The following GINS1 variants were observed in gnomAD, a reference collection of about 807,000 sequenced individuals.
GINS1 encodes the protein DNA replication complex GINS protein PSF1.
A neutral mutation model predicts 34.9 loss-of-function variants in GINS1; 26 were observed. The ratio of observed to expected loss-of-function variants is 0.74; its 90% CI spans 0.55 to 1.03. GINS1 has a LOEUF of 1.03. Among genes scored for constraint, GINS1 ranks in the 50% least tolerant of loss-of-function variants. GINS1 has a pLI of 0.00. For synonymous variants in GINS1, 97 were observed against 84.4 expected (o/e 1.15, Z -0.82); for missense variants, 235 against 237.9 (o/e 0.99, Z 0.08).
chr20:25,417,250 T>C (rs771064387), intron 3 of GINS1, 48 bp downstream of exon 3: 3 of 866,618 alleles, frequency 3.5e-6, no homozygotes, highest in Non-Finnish European at 5.9e-6. Flanking sequence ...TCTGTGTGGC[T>C]TCCCAGTTGA....
intron 4 of GINS1, among the ~76,000 whole-genome samples, chr20:25,423,452 CTTTTTTTTTTTTTTTTTTT>C (rs1159340467): frequency 1.3e-4 from 4 of 29,992 alleles, no homozygotes; most frequent in African/African-American, 2.4e-4. Context: ...TTTTTCTTTT[CTTTTTTTTTTTTTTTTTTT>C]TTTTTTTTTT....
At chr20:25,445,843 T>G in intron 6 of GINS1, 80 bp from the exon 7 acceptor site, 1 of 929,386 alleles carries the variant, frequency 1.1e-6, no homozygotes, top group Non-Finnish European at 1.7e-6. Context: ...AGTGCTACTT[T>G]TTAATGATAC....
chr20:25,446,042 ACT>A lies in GINS1; in HGVS notation c.*53_*54del. 2.0e-6 allele frequency: 2 copies of A among 979,300 alleles called. No individual in the cohort carries two copies. The highest frequency in any genetic ancestry group is 2.6e-5 in the East Asian group (1 of 38,126). The allele number at this position is 979,300 out of a possible 1,614,324, so 60.7% of individuals were successfully genotyped here. On this transcript the variant is annotated 3_prime_UTR_variant, in exon 7 of 7. Coordinates refer to ENST00000262460, the MANE Select transcript of GINS1 (RefSeq NM_021067.5). ...TCACTCAACTCATGGACTCCTCTGT[ACT>A]CACTCTCTCCACCACTCCCTTCACC... is the stretch of plus-strand genomic sequence containing the variant.
chr20:25,419,968 G>A (rs1368705411), intron 4 of GINS1, among the ~76,000 whole-genome samples: 1 of 150,760 alleles, frequency 6.6e-6, no homozygotes, highest in Non-Finnish European at 1.5e-5. Flanking sequence ...CGATTAATAT[G>A]TTTCTTACAA....
Position 25,422,586 on chromosome 20 carries a change from C to G in GINS1, c.331-2625C>G, listed in dbSNP as rs190850445. ...AGCCTGGGTGACAGTGAGACCCTGT[C>G]TTAAAACAGCAACAAAAAAACTTGC... On this transcript the variant is annotated intron_variant, in intron 4 of 6. Transcript: ENST00000262460. 2.8e-4 allele frequency among the ~76,000 whole-genome samples: 42 copies of G among 152,136 alleles called. 2 individuals are homozygous for G. Among genetic ancestry groups the G allele is most frequent in the East Asian group, 1.4e-3 (7 of 5,168 alleles).
At chr20:25,435,235 G>C (rs1452606537) in intron 5 of GINS1, among the ~76,000 whole-genome samples, 4 of 152,262 alleles carry the variant, frequency 2.6e-5, no homozygotes, top group African/African-American at 4.8e-5. Flanking sequence ...TTTGTAATAA[G>C]AAATTTGGTG....
intron 4 of GINS1, among the ~76,000 whole-genome samples, chr20:25,423,640 G>C (rs1336124405): frequency 7.9e-6 from 1 of 126,000 alleles, no homozygotes; most frequent in Non-Finnish European, 1.6e-5. Context: ...CCGAGACGGA[G>C]TCTCTCTGTT....
At chr20:25,423,124 G>C (rs1283192056) in intron 4 of GINS1, among the ~76,000 whole-genome samples, 1 of 140,448 alleles carries the variant, frequency 7.1e-6, no homozygotes, top group Admixed American at 7.1e-5. Context: ...TTTTTTTTTT[G>C]TTTTTTTTGA....
intron 5 of GINS1, among the ~76,000 whole-genome samples, chr20:25,438,512 CTTTTTTTTT>C (rs35305107): frequency 7.4e-5 from 5 of 67,988 alleles, no homozygotes; most frequent in Admixed American, 1.7e-4. Flanking sequence ...AAGAACAACA[CTTTTTTTTT>C]TTTTTTTTTT....
At position 25,441,649 on chromosome 20, in the gene GINS1, C is replaced by A; in HGVS notation, c.448-53C>A. 5 of 839,100 alleles carry A rather than the reference C, an allele frequency of 6.0e-6. No individual in the cohort carries two copies. The South Asian group carries it at 7.5e-5, about 13-fold the overall frequency. The allele number at this position is 839,100 out of a possible 1,614,324, so 52.0% of individuals were successfully genotyped here. A position where few individuals can be genotyped will look rare whatever the true frequency, so the allele number is the denominator to read the frequency against. ...GTATAATGCTGATTTATTTTTTGGTCACTGCATATTAAAAACTAATTTAGA... is the reference window on the plus strand; with the variant it reads ...GTATAATGCTGATTTATTTTTTGGTAACTGCATATTAAAAACTAATTTAGA... On this transcript the variant is annotated intron_variant, in intron 5 of 6. Transcript: ENST00000262460.
At chr20:25,442,340 CTG>C (rs2090486466) in intron 6 of GINS1, among the ~76,000 whole-genome samples, 2 of 56,962 alleles carry the variant, frequency 3.5e-5, no homozygotes, top group South Asian at 1.4e-3. Context: ...ATCTATCTAT[CTG>C]TCTGTCTGTC....
rs562818495 is a variant in GINS1 at position 25,419,029 on chromosome 20, A to G, written c.330+834A>G. Among the ~76,000 whole-genome samples, 6 of 152,348 alleles carry G rather than the reference A, an allele frequency of 3.9e-5. No individual in the cohort carries two copies. In the East Asian group the frequency reaches 7.7e-4, roughly 20 times the overall value. On this transcript the variant is annotated intron_variant, in intron 4 of 6. Coordinates refer to ENST00000262460, the MANE Select transcript of GINS1 (RefSeq NM_021067.5). Reference sequence around the variant, plus strand: ...GTAGCACATACTCTCAGGGCACATCATAAATAACAAGACACTCCTATTACT... The same window carrying G: ...GTAGCACATACTCTCAGGGCACATCGTAAATAACAAGACACTCCTATTACT...
At chr20:25,434,094 G>C (rs1271700968) in intron 5 of GINS1, among the ~76,000 whole-genome samples, 1 of 151,620 alleles carries the variant, frequency 6.6e-6, no homozygotes, top group East Asian at 2.0e-4. Flanking sequence ...GACCAGCCTG[G>C]GCAACATGGC....
In GINS1 at chr20:25,448,286, G is replaced by A. The variant is rs1293094657; in HGVS notation, c.*2295G>A. The A allele has an allele frequency of 6.6e-6, 1 of 152,182 alleles. No homozygotes were observed. The highest frequency in any genetic ancestry group is 6.5e-5 in the Admixed American group (1 of 15,286). 9.4% of individuals were successfully genotyped at this position (152,182 alleles called of 1,614,324 possible). A position where few individuals can be genotyped will look rare whatever the true frequency, so the allele number is the denominator to read the frequency against. On this transcript the variant is annotated 3_prime_UTR_variant, in exon 7 of 7. Coordinates refer to ENST00000262460, the MANE Select transcript of GINS1 (RefSeq NM_021067.5). ...GTCTTCTGGCCTATAAACAAGGTCT[G>A]TCTTCCTAGGTATTAATGTTTTGTC... is the stretch of plus-strand genomic sequence containing the variant.
Position 25,446,734 on chromosome 20 carries a change from G to A in GINS1, c.*743G>A, listed in dbSNP as rs2090514619. 1 of 152,230 alleles carries A rather than the reference G, an allele frequency of 6.6e-6. No homozygotes were observed. Among genetic ancestry groups the A allele is most frequent in the Admixed American group, 6.5e-5 (1 of 15,282 alleles). The allele number at this position is 152,230 out of a possible 1,614,324, so 9.4% of individuals were successfully genotyped here. On this transcript the variant is annotated 3_prime_UTR_variant, in exon 7 of 7. Transcript: ENST00000262460. ...GATCACCAGTATCACCACTTTGGAA[G>A]GGGACAGTGAAATTGGGGCTAGAGA...
intron 5 of GINS1, among the ~76,000 whole-genome samples, chr20:25,426,429 C>G (rs1289369603): frequency 6.6e-6 from 1 of 151,970 alleles, no homozygotes; most frequent in African/African-American, 2.4e-5. Flanking sequence ...CGGGCACATG[C>G]CTGTAATCCC....
chr20:25,417,814 A>G (rs2090330489), intron 3 of GINS1, among the ~76,000 whole-genome samples: 1 of 152,172 alleles, frequency 6.6e-6, no homozygotes, highest in Admixed American at 6.5e-5. Context: ...AGATCGTGCC[A>G]TTGCACTCCA....
Position 25,417,141 on chromosome 20 carries a change from C to T in GINS1, c.178C>T (p.Pro60Ser). Residue 60 changes from proline to serine, a missense_variant, in exon 3 of 7, where the codon CCA (proline) becomes TCA (serine). Coordinates refer to ENST00000262460, the MANE Select transcript of GINS1 (RefSeq NM_021067.5). ...GTCAGGTGGACGAAGTGATTTGATACCAACTATCAAATTTCGACACTGTTC... is the reference window on the plus strand; with the variant it reads ...GTCAGGTGGACGAAGTGATTTGATATCAACTATCAAATTTCGACACTGTTC... ...AKSGGRSDLI[P>S]TIKFRHCSLL... 6.3e-7 allele frequency: 1 copy of T among 1,588,916 alleles called. No homozygotes were observed. The highest frequency in any genetic ancestry group is 8.6e-7 in the Non-Finnish European group (1 of 1,157,838).
chr20:25,442,473 G>C (rs2090487512), intron 6 of GINS1, among the ~76,000 whole-genome samples: 1 of 151,588 alleles, frequency 6.6e-6, no homozygotes, highest in South Asian at 2.1e-4. Context: ...ACCTTCCTTA[G>C]TATCCTAAAG....
Sources: allele counts gnomAD v4.1 joint callset (sites outside exome capture counted in the v4.1 genomes callset), GRCh38; gene constraint gnomAD v4.1.1; transcripts MANE v1.5; gene names NCBI Gene and HGNC (gene_info 2026-07-23, HGNC 2026-07-21).